Variants in UBA3 observed in about 807,000 individuals in gnomAD.
UBA3 encodes NEDD8-activating enzyme E1 catalytic subunit.
UBA3 carries 26 observed loss-of-function variants against 73.5 expected under a neutral mutation model. The observed-to-expected ratio is 0.35, with a 90% CI of 0.26 to 0.49. The LOEUF is 0.49. Among genes scored for constraint, UBA3 ranks in the 20% least tolerant of loss-of-function variants. The pLI is 0.98. For synonymous variants in UBA3, 217 were observed against 191.2 expected (o/e 1.13, Z -1.11); for missense variants, 495 against 555.6 (o/e 0.89, Z 1.10).
At chr3:69,073,981 G>A (rs1311243393) in intron 4 of UBA3, among the ~76,000 whole-genome samples, 1 of 151,924 alleles carries the variant, frequency 6.6e-6, no homozygotes, top group Non-Finnish European at 1.5e-5. Context: ...AGCCTTTAGG[G>A]GGCTTACAAT....
chr3:69,077,005 G>C (rs925014692), intron 3 of UBA3, among the ~76,000 whole-genome samples: 1 of 149,378 alleles, frequency 6.7e-6, no homozygotes, highest in Non-Finnish European at 1.5e-5. Flanking sequence ...TTTAACAGAA[G>C]TAACAATCTT....
intron 11 of UBA3, among the ~76,000 whole-genome samples, chr3:69,058,465 G>C (rs2091995751): frequency 6.6e-6 from 1 of 152,180 alleles, no homozygotes; most frequent in African/African-American, 2.4e-5. Flanking sequence ...AGACATGAAA[G>C]AAAGACAGTT....
intron 4 of UBA3, among the ~76,000 whole-genome samples, chr3:69,072,136 A>G (rs926247046): frequency 6.6e-6 from 1 of 152,222 alleles, no homozygotes; most frequent in Non-Finnish European, 1.5e-5. Flanking sequence ...TTGAATCAAG[A>G]GCATGCAATT....
intron 11 of UBA3, among the ~76,000 whole-genome samples, chr3:69,058,858 CCTT>C (rs1363998059): frequency 6.6e-6 from 1 of 152,164 alleles, no homozygotes; most frequent in East Asian, 1.9e-4. Context: ...TTCCAATTCT[CCTT>C]CTGTACTCCT....
At chr3:69,075,262 G>T in intron 4 of UBA3, 168 bp downstream of exon 4, 1 of 260,334 alleles carries the variant, frequency 3.8e-6, no homozygotes, top group Non-Finnish European at 7.2e-6. Context: ...AAGTTCCAAA[G>T]TTCTACCATT....
At chr3:69,080,268 C>G in intron 1 of UBA3, 66 bp downstream of exon 1, 4 of 1,584,490 alleles carry the variant, frequency 2.5e-6, no homozygotes, top group South Asian at 1.1e-5. Flanking sequence ...CGGCGGCAAC[C>G]GCCCACCGCC....
chr3:69,076,019 G>A (rs1245135010), intron 3 of UBA3, among the ~76,000 whole-genome samples: 2 of 152,114 alleles, frequency 1.3e-5, no homozygotes, highest in African/African-American at 2.4e-5. Flanking sequence ...GGCATGAGGT[G>A]CCGCGTCCGG....
rs768335934 is a variant in UBA3, at chr3:69,067,965, A to G, written c.391T>C (p.Phe131Leu). The change falls in exon 6 of 18, where the codon TTT becomes CTT. Residue 131 changes from phenylalanine to leucine, a missense_variant. Physicochemically the swap from Phe to Leu is conservative, Grantham distance 22. Coordinates refer to ENST00000361055, the MANE Select transcript of UBA3 (RefSeq NM_003968.4). ...CAATTAGGAACTCTGTCATTTAGAAATTCTGCAGCAACTTCAGCCTTAGGT... is the reference window on the plus strand; with the variant it reads ...CAATTAGGAACTCTGTCATTTAGAAGTTCTGCAGCAACTTCAGCCTTAGGT... ...GRPKAEVAAEFLNDRVPNCNV... is the reference protein window; with the variant it reads ...GRPKAEVAAELLNDRVPNCNV... The G allele has an allele frequency of 5.0e-6, 8 of 1,607,650 alleles. No individual in the cohort carries two copies. The South Asian group carries it at 8.9e-5, about 18-fold the overall frequency.
chr3:69,056,474 G>T (rs1266697028), intron 14 of UBA3, 138 bp downstream of exon 14: 16 of 860,868 alleles, frequency 1.9e-5, no homozygotes, highest in Non-Finnish European at 2.8e-5. Context: ...GTTATTTCAG[G>T]CTATAAAGCA....
At chr3:69,080,065 G>C in intron 2 of UBA3, 47 bp downstream of exon 2, 2 of 1,582,444 alleles carry the variant, frequency 1.3e-6, no homozygotes, top group Non-Finnish European at 1.7e-6. Flanking sequence ...GGGGTGGGGG[G>C]AGGCGGGGGT....
chr3:69,059,185 G>A (rs762437656), intron 11 of UBA3, among the ~76,000 whole-genome samples: 23 of 152,178 alleles, frequency 1.5e-4, no homozygotes, highest in Non-Finnish European at 3.2e-4. Context: ...AGAAAATGAG[G>A]TATGTGTTAG....
chr3:69,066,627 T>A (rs905736154), intron 6 of UBA3, among the ~76,000 whole-genome samples: 12 of 152,180 alleles, frequency 7.9e-5, no homozygotes, highest in South Asian at 2.1e-4. Context: ...AGACGGGGTT[T>A]CACCATGTTG....
chr3:69,055,348 C>T lies in UBA3; in HGVS notation c.*89G>A. 1 of 822,102 alleles carries T rather than the reference C, an allele frequency of 1.2e-6. No individual in the cohort carries two copies. The highest frequency in any genetic ancestry group is 2.7e-5 in the South Asian group (1 of 36,718). The allele number at this position is 822,102 out of a possible 1,614,324, so 50.9% of individuals were successfully genotyped here. A position where few individuals can be genotyped will look rare whatever the true frequency, so the allele number is the denominator to read the frequency against. On this transcript the variant is annotated 3_prime_UTR_variant, in exon 18 of 18. Coordinates refer to ENST00000361055, the MANE Select transcript of UBA3 (RefSeq NM_003968.4). ...TATAAAAAAAGACAAATCGTGGCAA[C>T]ACTATTGCTAAAAATGACATCGATT... is the stretch of plus-strand genomic sequence containing the variant.
rs754129512 is a variant in UBA3, at chr3:69,063,030, A to G, written c.645T>C (p.Pro215=). The G allele has an allele frequency of 2.5e-6, 4 of 1,614,008 alleles. No homozygotes were observed. The African/African-American group carries it at 5.3e-5, about 22-fold the overall frequency. The change falls in exon 9 of 18, where the codon CCT becomes CCC. Residue 215 remains proline (P), a synonymous_variant. Transcript: ENST00000361055. The part of the protein sequence containing the change: ...GFKGNARVIL[P]GMTACIECTL... The stretch of plus-strand genomic sequence containing the variant: ...TGCATTCGATACAAGCAGTCATTCC[A>G]GGCAGAATCACCCGGGCATTTCCTT...
chr3:69,066,044 A>T (rs2092068550), intron 6 of UBA3, among the ~76,000 whole-genome samples: 1 of 152,072 alleles, frequency 6.6e-6, no homozygotes, highest in Admixed American at 6.5e-5. Flanking sequence ...TATTTTCTCC[A>T]GTCTGTGGCT....
chr3:69,062,906 T>G, intron 9 of UBA3, 76 bp downstream of exon 9: 1 of 1,530,340 alleles, frequency 6.5e-7, no homozygotes, highest in Non-Finnish European at 8.8e-7. Flanking sequence ...ATCCTAAATA[T>G]TAACTAGACT....
At chr3:69,055,739 T>C in intron 17 of UBA3, 112 bp downstream of exon 17, 1 of 1,054,670 alleles carries the variant, frequency 9.5e-7, no homozygotes, top group Non-Finnish European at 1.4e-6. Flanking sequence ...AAGTAATTAT[T>C]ACCTGACCAT....
rs2091959492 is a variant in UBA3, at chr3:69,054,779, AC to A, written c.*657del. On this transcript the variant is annotated 3_prime_UTR_variant, in exon 18 of 18. Coordinates refer to ENST00000361055, the MANE Select transcript of UBA3 (RefSeq NM_003968.4). ...AAATAGTGCAAAAGCATCAGTGATA[AC>A]TGTTTGAACATTAAATTTTTTAAAC... 1 of 152,210 alleles carries A rather than the reference AC, an allele frequency of 6.6e-6. No individual in the cohort carries two copies. Among genetic ancestry groups the A allele is most frequent in the South Asian group, 2.1e-4 (1 of 4,832 alleles). 9.4% of individuals were successfully genotyped at this position (152,210 alleles called of 1,614,324 possible).
chr3:69,077,853 T>A lies in UBA3; in HGVS notation c.128A>T (p.Lys43Met). ...GAAGGGTCCAGATCGCTCGAGGAAC[T>A]TCTTTACATGGTTCCAGCGACCTTC... ...DWEGRWNHVK[K>M]FLERSGPFTH... The change falls in exon 3 of 18, where the codon AAG becomes ATG. Residue 43 changes from lysine to methionine, a missense_variant. Coordinates refer to ENST00000361055, the MANE Select transcript of UBA3 (RefSeq NM_003968.4). 1.9e-6 allele frequency: 3 copies of A among 1,614,192 alleles called. No homozygotes were observed. The highest frequency in any genetic ancestry group is 2.5e-6 in the Non-Finnish European group (3 of 1,180,032).
Sources: gnomAD v4.1 joint callset for allele counts (sites outside exome capture counted in the v4.1 genomes callset) on GRCh38, gnomAD v4.1.1 for gene constraint, MANE v1.5 for transcripts, NCBI Gene and HGNC (gene_info 2026-07-23, HGNC 2026-07-21) for gene names.